KANSL1: variants seen among roughly 807,000 people sequenced by gnomAD.
The protein encoded by KANSL1 is MLL1/MLL complex subunit KANSL1.
KANSL1 carries 22 observed loss-of-function variants against 103.6 expected under a neutral mutation model. The ratio of observed to expected loss-of-function variants is 0.21; its 90% CI spans 0.15 to 0.30. KANSL1 has a LOEUF of 0.30. KANSL1 is among the 10% of genes least tolerant of loss of function. The pLI, the probability that KANSL1 is intolerant of heterozygous loss-of-function variation, is 1.00. For synonymous variants in KANSL1, 600 were observed against 527.6 expected (o/e 1.14, Z -1.88); for missense variants, 1,337 against 1,399.8 (o/e 0.96, Z 0.72).
intron 4 of KANSL1, among the ~76,000 whole-genome samples, chr17:46,073,129 A>G (rs1377272369): frequency 5.3e-5 from 8 of 152,222 alleles, no homozygotes; most frequent in African/African-American, 1.9e-4. Flanking sequence ...GCAAAACTTC[A>G]AAGAAAGGAA....
At chr17:46,099,147 C>T (rs2042202345) in intron 2 of KANSL1, among the ~76,000 whole-genome samples, 1 of 127,186 alleles carries the variant, frequency 7.9e-6, no homozygotes, top group African/African-American at 2.6e-5. Flanking sequence ...CACGGTGAAA[C>T]CCCGTCTCTA....
rs575968466 is a variant in KANSL1, at chr17:46,131,939, CAACATGGTGA to C, written c.1290-37248_1290-37239del. On this transcript the variant is annotated intron_variant, in intron 2 of 14. Transcript: ENST00000432791. The stretch of plus-strand genomic sequence containing the variant: ...CTCAAGAGATTGAGACCATCCTGGA[CAACATGGTGA>C]AACTCTGTCTCTACTAAAAATACAA... Among the ~76,000 whole-genome samples, 409 of 152,210 alleles carry C rather than the reference CAACATGGTGA, an allele frequency of 2.7e-3. 2 individuals are homozygous for C. The highest frequency in any genetic ancestry group is 9.3e-3 in the African/African-American group (388 of 41,502).
intron 1 of KANSL1, among the ~76,000 whole-genome samples, chr17:46,205,968 T>C (rs2047953905): frequency 6.6e-6 from 1 of 151,718 alleles, no homozygotes; most frequent in Non-Finnish European, 1.5e-5. Context: ...TCCTAGCTGC[T>C]TGGGGGGCTG....
Position 46,039,181 on chromosome 17 carries a change from G to A in KANSL1, c.2238C>T (p.Thr746=), listed in dbSNP as rs753466273. 1.5e-5 allele frequency: 24 copies of A among 1,599,184 alleles called. No individual in the cohort carries two copies. Among genetic ancestry groups the A allele is most frequent in the Middle Eastern group, 1.7e-4 (1 of 5,772 alleles). Residue 746 remains threonine, a synonymous_variant, in exon 9 of 15, where the codon ACC becomes ACT. Coordinates refer to ENST00000432791, the MANE Select transcript of KANSL1 (RefSeq NM_015443.4). ...LSHHQTRPDR[T]HRQHLDDVGA... ...CCACATCGTCTAAGTGCTGCCTGTG[G>A]GTCCTGTCAGGCCGGGTTTGGTGAT...
intron 2 of KANSL1, among the ~76,000 whole-genome samples, chr17:46,143,534 G>A (rs879837947): frequency 2.6e-5 from 4 of 152,112 alleles, no homozygotes; most frequent in African/African-American, 9.7e-5. Context: ...GCCGGGCACA[G>A]TGGCTCACGC....
intron 6 of KANSL1, 122 bp downstream of exon 6, chr17:46,066,413 TAA>T: frequency 1.4e-6 from 1 of 732,322 alleles, no homozygotes; most frequent in Non-Finnish European, 2.0e-6. Context: ...TAGTATTTTA[TAA>T]AGCTCCCCAG....
In KANSL1 at chr17:46,032,248, G is replaced by A. The variant is rs1322313910; in HGVS notation, c.2889C>T (p.Asn963=). 1 of 1,560,298 alleles carries A rather than the reference G, an allele frequency of 6.4e-7. No homozygotes were observed. The highest frequency in any genetic ancestry group is 8.7e-7 in the Non-Finnish European group (1 of 1,150,048). Residue 963 remains asparagine, a synonymous_variant, in exon 14 of 15, where the codon AAC becomes AAT. Transcript: ENST00000432791. Reference sequence around the variant, plus strand: ...GGGAGGCAGGCTGGGGGGTGGAGGGGTTGGCACTGCCCAGCTGGGGGGTTG... The same window carrying A: ...GGGAGGCAGGCTGGGGGGTGGAGGGATTGGCACTGCCCAGCTGGGGGGTTG... ...GRTTPQLGSA[N]PSTPQPASPD...
At chr17:46,044,565 A>G (rs2077437908) in intron 7 of KANSL1, 2 of 152,230 alleles carry the variant, frequency 1.3e-5, no homozygotes. Context: ...TATAAAGTTA[A>G]CAAGCTTTTC....
intron 2 of KANSL1, among the ~76,000 whole-genome samples, chr17:46,152,441 T>C (rs1263059765): frequency 6.6e-6 from 1 of 152,236 alleles, no homozygotes; most frequent in Non-Finnish European, 1.5e-5. Context: ...ATTACAACTA[T>C]GAAGCTCTTT....
chr17:46,101,752 T>C (rs1477628152), intron 2 of KANSL1, among the ~76,000 whole-genome samples: 2 of 31,592 alleles, frequency 6.3e-5, no homozygotes, highest in African/African-American at 3.9e-4. Context: ...AGACTCTGTC[T>C]ACAAAAAAAA....
intron 2 of KANSL1, among the ~76,000 whole-genome samples, chr17:46,094,917 T>C (rs1361705252): frequency 6.6e-6 from 1 of 152,216 alleles, no homozygotes; most frequent in African/African-American, 2.4e-5. Context: ...TGGAACTGCG[T>C]TCTAGCATCC....
chr17:46,059,147 T>C (rs2078055758), intron 6 of KANSL1, among the ~76,000 whole-genome samples: 1 of 151,268 alleles, frequency 6.6e-6, no homozygotes, highest in South Asian at 2.1e-4. Context: ...TGTCAAATTA[T>C]CAATAAAAAG....
intron 7 of KANSL1, chr17:46,044,361 C>A (rs993069086): frequency 6.6e-6 from 1 of 152,170 alleles, no homozygotes; most frequent in African/African-American, 2.4e-5. Flanking sequence ...GTCTGACATT[C>A]CACGATTCAC....
chr17:46,205,680 C>CA (rs56154541), intron 1 of KANSL1, among the ~76,000 whole-genome samples: 1,272 of 92,748 alleles, frequency 0.014, 18 homozygotes, highest in African/African-American at 0.038. Flanking sequence ...GACACTGTCT[C>CA]AAAAAAAAAA....
At chr17:46,039,285 C>G in intron 8 of KANSL1, 70 bp from the exon 9 acceptor site, 3 of 1,386,712 alleles carry the variant, frequency 2.2e-6, no homozygotes, top group Non-Finnish European at 2.9e-6. Flanking sequence ...GAGTTCCAAG[C>G]TCTCGAGTTC....
chr17:46,117,820 A>G (rs903192707), intron 2 of KANSL1, among the ~76,000 whole-genome samples: 6 of 152,244 alleles, frequency 3.9e-5, no homozygotes, highest in African/African-American at 1.4e-4. Flanking sequence ...AAAAAGACAC[A>G]AAGATTTACA....
chr17:46,073,852 G>A (rs1204606394), intron 4 of KANSL1, among the ~76,000 whole-genome samples: 4 of 152,108 alleles, frequency 2.6e-5, no homozygotes, highest in South Asian at 2.1e-4. Context: ...TTTCACAGGG[G>A]TACTAGATGA....
At chr17:46,053,870 T>C (rs2077818188) in intron 6 of KANSL1, among the ~76,000 whole-genome samples, 1 of 152,150 alleles carries the variant, frequency 6.6e-6, no homozygotes. Flanking sequence ...ACGCACACGC[T>C]CTTCCACTGA....
chr17:46,217,797 G>A (rs1358336800), intron 1 of KANSL1, among the ~76,000 whole-genome samples: 1 of 152,214 alleles, frequency 6.6e-6, no homozygotes, highest in Non-Finnish European at 1.5e-5. Flanking sequence ...GGCCAAGGCA[G>A]GCAGATCACC....
Sources: gnomAD v4.1 joint callset for allele counts (sites outside exome capture counted in the v4.1 genomes callset) on GRCh38, gnomAD v4.1.1 for gene constraint, MANE v1.5 for transcripts, NCBI Gene and HGNC (gene_info 2026-07-23, HGNC 2026-07-21) for gene names.